The following VSNL1 variants were observed in gnomAD, a reference collection of about 807,000 sequenced individuals.
VSNL1 encodes the protein visinin like 1, also known as visinin-like protein 1.
A neutral mutation model predicts 20.4 loss-of-function variants in VSNL1; 6 were observed. The observed-to-expected ratio is 0.29, with a 90% confidence interval of 0.16 to 0.58. The LOEUF (loss-of-function observed/expected upper bound fraction) is 0.58. Ranked by LOEUF, VSNL1 falls within the 20% of genes least tolerant of loss-of-function variation. The pLI, the probability that VSNL1 is intolerant of heterozygous loss-of-function variation, is 0.90. For missense variants in VSNL1, 100 were observed against 234.5 expected (o/e 0.43, Z 3.75); for synonymous variants, 93 against 86.4 (o/e 1.08, Z -0.42).
At chr2:17,592,309 A>G (rs1266450440) in intron 2 of VSNL1, 73 bp downstream of exon 2, 1 of 1,490,570 alleles carries the variant, frequency 6.7e-7, no homozygotes, top group South Asian at 1.2e-5. Context: ...GTACCCTCAC[A>G]TGGAATTATA....
chr2:17,607,350 G>A (rs1269867078), intron 2 of VSNL1, among the ~76,000 whole-genome samples: 1 of 151,864 alleles, frequency 6.6e-6, no homozygotes, highest in African/African-American at 2.4e-5. Flanking sequence ...CATTTTTTTT[G>A]TCTCCACCTC....
intron 2 of VSNL1, among the ~76,000 whole-genome samples, chr2:17,620,925 A>C (rs1469872367): frequency 6.6e-6 from 1 of 152,232 alleles, no homozygotes; most frequent in African/African-American, 2.4e-5. Context: ...AAGGAATGCT[A>C]CTTCTTCCTC....
chr2:17,653,865 A>G (rs1263350274), intron 3 of VSNL1, among the ~76,000 whole-genome samples: 1 of 152,178 alleles, frequency 6.6e-6, no homozygotes, highest in Admixed American at 6.5e-5. Flanking sequence ...CCCCAGTTAG[A>G]TCCCTCATGC....
rs532884130 is a variant in VSNL1 at position 17,646,692 on chromosome 2, T to C, written c.163-2718T>C. The stretch of plus-strand genomic sequence containing the variant: ...TATAGATTATTACTGCCATCGAATA[T>C]TACTTCCATGTCAAAATTTAATACA... On this transcript the variant is annotated intron_variant, in intron 2 of 3. Coordinates refer to ENST00000295156, the MANE Select transcript of VSNL1 (RefSeq NM_003385.5). Among the ~76,000 whole-genome samples the C allele has an allele frequency of 1.6e-4, 24 of 152,334 alleles. No individual in the cohort carries two copies. In the South Asian group the frequency reaches 4.6e-3, roughly 29 times the overall value.
rs527960781 is a variant in VSNL1 at position 17,649,421 on chromosome 2, T to C, written c.174T>C (p.Tyr58=). 4.2e-5 allele frequency: 67 copies of C among 1,614,190 alleles called. No homozygotes were observed. In the South Asian group the frequency reaches 4.7e-4, roughly 11 times the overall value. Residue 58 remains tyrosine (Y), a synonymous_variant, in exon 3 of 4, where the codon TAT becomes TAC. Coordinates refer to ENST00000295156, the MANE Select transcript of VSNL1 (RefSeq NM_003385.5). The surrounding 1 kb of genome is among the most constrained non-coding windows in gnomAD (Gnocchi z 6.4). ...FQQLYVKFFP[Y]GDASKFAQHA... ...GTTCTCCTTTGCAGTTCTTTCCTTA[T>C]GGAGACGCCTCCAAGTTTGCCCAGC...
At chr2:17,592,503 T>C (rs180954656) in intron 2 of VSNL1, among the ~76,000 whole-genome samples, 2 of 152,272 alleles carry the variant, frequency 1.3e-5, no homozygotes, top group East Asian at 1.9e-4. Flanking sequence ...GAAAGAACCA[T>C]AAAAAGCTCA....
chr2:17,640,137 C>T (rs575236502), intron 2 of VSNL1, among the ~76,000 whole-genome samples: 1 of 151,978 alleles, frequency 6.6e-6, no homozygotes, highest in South Asian at 2.1e-4. Flanking sequence ...GTAATCCCAG[C>T]TACTCAGGAG....
chr2:17,614,952 TTC>T (rs1665181506), intron 2 of VSNL1, among the ~76,000 whole-genome samples: 3 of 152,240 alleles, frequency 2.0e-5, no homozygotes, highest in Non-Finnish European at 4.4e-5. Flanking sequence ...TTACCAATAC[TTC>T]TGTTTCCCTC....
intron 2 of VSNL1, among the ~76,000 whole-genome samples, chr2:17,640,456 TTA>T (rs1301978594): frequency 1.1e-4 from 16 of 152,194 alleles, no homozygotes; most frequent in Non-Finnish European, 1.9e-4. Flanking sequence ...TGTTTGTTTC[TTA>T]GTCTGCAACC....
intron 1 of VSNL1, among the ~76,000 whole-genome samples, chr2:17,578,526 A>G (rs934116731): frequency 7.2e-5 from 11 of 152,212 alleles, no homozygotes; most frequent in African/African-American, 1.2e-4. Context: ...AACTACTCCA[A>G]GTGAAAGTGA....
At chr2:17,638,252 T>C (rs1056300013) in intron 2 of VSNL1, among the ~76,000 whole-genome samples, 2 of 152,186 alleles carry the variant, frequency 1.3e-5, no homozygotes, top group African/African-American at 2.4e-5. Flanking sequence ...ATCCATGTAA[T>C]AGGGACAGCA....
At chr2:17,569,553 C>T (rs1480163972) in intron 1 of VSNL1, among the ~76,000 whole-genome samples, 2 of 151,964 alleles carry the variant, frequency 1.3e-5, no homozygotes, top group African/African-American at 4.8e-5. Context: ...TGGAGCTTCT[C>T]ATTCTAGCTT....
chr2:17,644,287 T>G (rs979296498), intron 2 of VSNL1, among the ~76,000 whole-genome samples: 2 of 152,170 alleles, frequency 1.3e-5, no homozygotes, highest in Non-Finnish European at 2.9e-5. Context: ...GCAGGAGGTC[T>G]GCTGGAAAGG....
intron 2 of VSNL1, among the ~76,000 whole-genome samples, chr2:17,599,007 T>C (rs1009186589): frequency 6.6e-6 from 1 of 152,220 alleles, no homozygotes; most frequent in African/African-American, 2.4e-5. Flanking sequence ...AGAGGGAGTC[T>C]CCAGTGGGAT....
At chr2:17,541,491 T>A (rs1386228362) in intron 1 of VSNL1, 2 of 152,130 alleles carry the variant, frequency 1.3e-5, no homozygotes, top group Non-Finnish European at 2.9e-5. Context: ...GTAGATAATT[T>A]TTTTCGTCTT....
chr2:17,591,957 C>A, intron 1 of VSNL1, 113 bp from the exon 2 acceptor site: 1 of 1,150,254 alleles, frequency 8.7e-7, no homozygotes. Flanking sequence ...ATGCATCAGC[C>A]ACACTGGAGG....
chr2:17,615,257 G>A (rs1665188291), intron 2 of VSNL1, among the ~76,000 whole-genome samples: 1 of 152,234 alleles, frequency 6.6e-6, no homozygotes, highest in South Asian at 2.1e-4. Flanking sequence ...ATTGGTGAGA[G>A]TGAGGGTGCC....
chr2:17,553,457 A>G (rs1029422130), intron 1 of VSNL1, among the ~76,000 whole-genome samples: 9 of 152,224 alleles, frequency 5.9e-5, no homozygotes, highest in African/African-American at 2.2e-4. Flanking sequence ...CTGTTATGTT[A>G]CAGAGGTAAC....
chr2:17,614,228 C>T (rs1002377095), intron 2 of VSNL1, among the ~76,000 whole-genome samples: 127 of 152,328 alleles, frequency 8.3e-4, no homozygotes, highest in African/African-American at 2.9e-3. Context: ...TGCATGGCAA[C>T]GTAGACCTGG....
Sources: allele counts gnomAD v4.1 joint callset (sites outside exome capture counted in the v4.1 genomes callset), GRCh38; gene constraint gnomAD v4.1.1; non-coding constraint Gnocchi (gnomAD v3.1); transcripts MANE v1.5; gene names NCBI Gene and HGNC (gene_info 2026-07-23, HGNC 2026-07-21).